The following PGAP3 variants were observed in gnomAD, a reference collection of about 807,000 sequenced individuals.
PGAP3 encodes post-GPI attachment to proteins phospholipase 3, also known as GPI-specific phospholipase A2-like PGAP3.
A neutral mutation model predicts 40.3 loss-of-function variants in PGAP3; 31 were observed. The ratio of observed to expected loss-of-function variants is 0.77; its 90% CI spans 0.58 to 1.04. The LOEUF is 1.04. Among genes scored for constraint, PGAP3 ranks in the 50% least tolerant of loss-of-function variants. The pLI, the probability that PGAP3 is intolerant of heterozygous loss-of-function variation, is 0.00. For missense variants in PGAP3, 413 were observed against 423.0 expected (o/e 0.98, Z 0.21); for synonymous variants, 191 against 184.5 (o/e 1.04, Z -0.29).
intron 3 of PGAP3, among the ~76,000 whole-genome samples, chr17:39,678,820 G>C (rs774794134): frequency 6.6e-6 from 1 of 152,180 alleles, no homozygotes; most frequent in Non-Finnish European, 1.5e-5. Flanking sequence ...TGGGTTCTGA[G>C]GCTTTGTTTC....
rs2057319412 is a variant in PGAP3, at chr17:39,672,478, T to C, written c.*325A>G. On this transcript the variant is annotated 3_prime_UTR_variant, in exon 8 of 8. Transcript: ENST00000300658. ...GGACCCAGCCAGGCAGCTGGGGATG[T>C]GGGGAGGAGGCTGATGGGGAGGAAA... 2.5e-6 allele frequency: 1 copy of C among 404,944 alleles called. No homozygotes were observed. Among genetic ancestry groups the C allele is most frequent in the African/African-American group, 2.0e-5 (1 of 49,080 alleles). The allele number at this position is 404,944 out of a possible 1,614,324, so 25.1% of individuals were successfully genotyped here.
chr17:39,675,243 G>T (rs1004765870), intron 3 of PGAP3, among the ~76,000 whole-genome samples: 1 of 152,004 alleles, frequency 6.6e-6, no homozygotes, highest in African/African-American at 2.4e-5. Context: ...TGCCCAACCC[G>T]CCAGACCAGT....
Position 39,673,146 on chromosome 17 carries a change from C to T in PGAP3, c.804G>A (p.Leu268=). ...GCGGTGGGAAGTCAAGCAGCTCGAG[C>T]AGGGACAGCCCCTGCAGCAGCAAGA... is the stretch of plus-strand genomic sequence containing the variant. ...VVVLLLQGLS[L]LELLDFPPLF... is the part of the protein sequence containing the mutation. Residue 268 remains leucine, a synonymous_variant, in exon 7 of 8, where the codon CTG becomes CTA. Transcript: ENST00000300658. 1.2e-6 allele frequency: 2 copies of T among 1,601,116 alleles called. No homozygotes were observed. Among genetic ancestry groups the T allele is most frequent in the Non-Finnish European group, 1.7e-6 (2 of 1,174,510 alleles).
Position 39,684,759 on chromosome 17 carries a change from G to T in PGAP3, c.280-10C>A, listed in dbSNP as rs1293907153. On this transcript the variant is annotated splice_polypyrimidine_tract_variant and intron_variant, in intron 2 of 7. Coordinates refer to ENST00000300658, the MANE Select transcript of PGAP3 (RefSeq NM_033419.5). ...ACCGGGAGAAGGGCCACTGAAAAAG[G>T]AGCAGATGAAGGAGGTTTGAAGGGC... is the stretch of plus-strand genomic sequence containing the variant. The T allele has an allele frequency of 3.8e-6, 6 of 1,588,412 alleles. No homozygotes were observed. Among genetic ancestry groups the T allele is most frequent in the Non-Finnish European group, 5.1e-6 (6 of 1,167,786 alleles).
At chr17:39,676,268 C>T (rs2057374018) in intron 3 of PGAP3, among the ~76,000 whole-genome samples, 1 of 152,158 alleles carries the variant, frequency 6.6e-6, no homozygotes, top group African/African-American at 2.4e-5. Context: ...ACAGGGACAT[C>T]CTTAGGGAGG....
chr17:39,679,713 G>A (rs752467224), intron 3 of PGAP3, among the ~76,000 whole-genome samples: 11 of 152,174 alleles, frequency 7.2e-5, no homozygotes, highest in South Asian at 2.1e-4. Context: ...AGTGTGTGCC[G>A]ATGCCAGGCC....
Position 39,672,127 on chromosome 17 carries a change from C to T in PGAP3, c.*676G>A, listed in dbSNP as rs1231675708. 1.3e-5 allele frequency: 2 copies of T among 154,046 alleles called. No individual in the cohort carries two copies. The highest frequency in any genetic ancestry group is 2.4e-5 in the African/African-American group (1 of 41,448). The allele number at this position is 154,046 out of a possible 1,614,324, so 9.5% of individuals were successfully genotyped here. A position where few individuals can be genotyped will look rare whatever the true frequency, so the allele number is the denominator to read the frequency against. ...CACTCAGCCTGGCCCACACTCCCGA[C>T]ACACGGTGGCAGGCTCTCAACCAGA... On this transcript the variant is annotated 3_prime_UTR_variant, in exon 8 of 8. Transcript: ENST00000300658.
At chr17:39,685,036 G>C in intron 2 of PGAP3, 1 of 318,728 alleles carries the variant, frequency 3.1e-6, no homozygotes, top group Admixed American at 4.9e-5. Flanking sequence ...GGTGGAAACA[G>C]CACAGAGTTG....
chr17:39,687,976 C>T lies in PGAP3; in HGVS notation c.39G>A (p.Gly13=). 2.0e-6 allele frequency: 3 copies of T among 1,464,792 alleles called. No individual in the cohort carries two copies. Among genetic ancestry groups the T allele is most frequent in the Non-Finnish European group, 2.7e-6 (3 of 1,093,160 alleles). The allele number at this position is 1,464,792 out of a possible 1,614,324, so 90.7% of individuals were successfully genotyped here. ...GLAARLVLLA[G]AAALASGSQG... ...GGGAGCCGCTCGCCAGCGCCGCTGC[C>T]CCAGCTAGCAGGACCAACCGCGCCG... The change falls in exon 1 of 8, where the codon GGG becomes GGA. Residue 13 remains glycine, a synonymous_variant. Transcript: ENST00000300658.
chr17:39,675,861 C>G (rs2057369600), intron 3 of PGAP3, among the ~76,000 whole-genome samples: 1 of 152,238 alleles, frequency 6.6e-6, no homozygotes, highest in Non-Finnish European at 1.5e-5. Context: ...CCTGTCTGGC[C>G]TGGGCTCTGG....
In PGAP3 at chr17:39,673,392, C is replaced by A. The variant is rs543504345; in HGVS notation, c.694+122G>T. 247 of 1,555,896 alleles carry A rather than the reference C, an allele frequency of 1.6e-4. No homozygotes were observed. The African/African-American group carries it at 3.0e-3, about 19-fold the overall frequency. ...CCTCCTCTCTCTCCCACCTCAAATT[C>A]TTCTCCATTCCTCTACCCCAAGAGT... On this transcript the variant is annotated intron_variant, in intron 6 of 7. Transcript: ENST00000300658.
At chr17:39,674,795 T>A in intron 3 of PGAP3, 116 bp from the exon 4 acceptor site, 1 of 1,013,284 alleles carries the variant, frequency 9.9e-7, no homozygotes, top group Non-Finnish European at 1.5e-6. Context: ...ACAAGAAATG[T>A]GCTTTTCCTG....
At chr17:39,679,006 G>A (rs898369990) in intron 3 of PGAP3, among the ~76,000 whole-genome samples, 2 of 152,132 alleles carry the variant, frequency 1.3e-5, no homozygotes, top group Non-Finnish European at 2.9e-5. Context: ...CCAGGCTGGA[G>A]TGCAGTGGCG....
intron 3 of PGAP3, among the ~76,000 whole-genome samples, chr17:39,675,510 C>T (rs1316436053): frequency 6.6e-6 from 1 of 152,158 alleles, no homozygotes; most frequent in Non-Finnish European, 1.5e-5. Context: ...ATCGTGACAA[C>T]CAAAGGAACA....
intron 3 of PGAP3, among the ~76,000 whole-genome samples, chr17:39,681,668 C>T (rs144401225): frequency 2.6e-3 from 394 of 152,174 alleles, no homozygotes; most frequent in African/African-American, 8.8e-3. Context: ...AACACTATGC[C>T]CAGCTAATTT....
Position 39,672,104 on chromosome 17 carries a change from C to G in PGAP3, c.*699G>C, listed in dbSNP as rs1335120711. The stretch of plus-strand genomic sequence containing the variant: ...TGCTCACGGCCCTGTCACCTATGCA[C>G]TCAGCCTGGCCCACACTCCCGACAC... On this transcript the variant is annotated 3_prime_UTR_variant, in exon 8 of 8. Coordinates refer to ENST00000300658, the MANE Select transcript of PGAP3 (RefSeq NM_033419.5). The G allele has an allele frequency of 6.5e-6, 1 of 153,882 alleles. No homozygotes were observed. Among genetic ancestry groups the G allele is most frequent in the Non-Finnish European group, 1.4e-5 (1 of 69,114 alleles). The allele number at this position is 153,882 out of a possible 1,614,324, so 9.5% of individuals were successfully genotyped here.
intron 1 of PGAP3, among the ~76,000 whole-genome samples, chr17:39,686,662 C>T (rs1307252657): frequency 2.7e-5 from 4 of 147,632 alleles, no homozygotes; most frequent in African/African-American, 7.5e-5. Flanking sequence ...TGGGCTCAAA[C>T]GATCCTCCCA....
chr17:39,678,752 G>GGCAACTGGGAAGCCCAAGA lies in PGAP3; in HGVS notation c.433-4092_433-4074dup, dbSNP rs1413481395. On this transcript the variant is annotated intron_variant, in intron 3 of 7. Coordinates refer to ENST00000300658, the MANE Select transcript of PGAP3 (RefSeq NM_033419.5). ...CCCTCCCTCCTGCAGAAACTCACAGGGCAACTGGGAAGCCCAAGAGCAACT... is the reference window on the plus strand; with the variant it reads ...CCCTCCCTCCTGCAGAAACTCACAGGGCAACTGGGAAGCCCAAGAGCAACTGGGAAGCCCAAGAGCAACT... 1.1e-4 allele frequency among the ~76,000 whole-genome samples: 16 copies of GGCAACTGGGAAGCCCAAGA among 152,198 alleles called. No homozygotes were observed. The East Asian group carries it at 2.7e-3, about 26-fold the overall frequency.
chr17:39,683,189 C>T (rs575628898), intron 3 of PGAP3, among the ~76,000 whole-genome samples: 6 of 152,240 alleles, frequency 3.9e-5, no homozygotes, highest in East Asian at 1.9e-4. Flanking sequence ...CCCATCAGTC[C>T]GCCCAGCTCA....
Sources: allele counts gnomAD v4.1 joint callset (sites outside exome capture counted in the v4.1 genomes callset), GRCh38; gene constraint gnomAD v4.1.1; transcripts MANE v1.5; gene names NCBI Gene and HGNC (gene_info 2026-07-23, HGNC 2026-07-21).